NALF1: variants seen among roughly 807,000 people sequenced by gnomAD.
NALF1 encodes NALCN channel auxiliary factor 1, also known as family with sequence similarity 155 member A.
Under a neutral mutation model 48.4 loss-of-function variants are expected in NALF1, and 3 were observed. That is an observed-to-expected ratio of 0.06 (90% CI 0.03 to 0.16). The LOEUF is 0.16. Among genes scored for constraint, NALF1 ranks in the 10% least tolerant of loss-of-function variants. NALF1 has a pLI of 1.00. For missense variants in NALF1, 526 were observed against 571.5 expected, an observed-to-expected ratio of 0.92 and a Z score of 0.81; for synonymous variants, 262 against 245.7, an observed-to-expected ratio of 1.07 and a Z score of -0.62.
chr13:107,226,847 AC>A (rs1880116893), intron 1 of NALF1, among the ~76,000 whole-genome samples: 3 of 152,312 alleles, frequency 2.0e-5, no homozygotes, highest in Middle Eastern at 3.4e-3. Context: ...GTTTGAAAAT[AC>A]GAGGCCCAGA....
At chr13:107,679,930 G>A (rs914080862) in intron 1 of NALF1, among the ~76,000 whole-genome samples, 3 of 152,204 alleles carry the variant, frequency 2.0e-5, no homozygotes, top group Non-Finnish European at 4.4e-5. Context: ...GCAAAAACAC[G>A]TTCACAGCTC....
chr13:107,210,076 A>ACACG (rs1230077996), intron 2 of NALF1, among the ~76,000 whole-genome samples: 1 of 151,940 alleles, frequency 6.6e-6, no homozygotes, highest in Non-Finnish European at 1.5e-5. Flanking sequence ...ATAGACACAC[A>ACACG]CACACACACA....
intron 1 of NALF1, among the ~76,000 whole-genome samples, chr13:107,386,114 G>C (rs946769179): frequency 2.6e-5 from 4 of 152,140 alleles, no homozygotes; most frequent in Non-Finnish European, 5.9e-5. Flanking sequence ...TAGAATACAA[G>C]ATTATCTTCC....
At chr13:107,485,558 G>T (rs1322510268) in intron 1 of NALF1, among the ~76,000 whole-genome samples, 1 of 152,114 alleles carries the variant, frequency 6.6e-6, no homozygotes, top group Non-Finnish European at 1.5e-5. Flanking sequence ...CAATATTATT[G>T]TAAGTAGGTT....
At chr13:107,240,350 CCA>C (rs1322533913) in intron 1 of NALF1, among the ~76,000 whole-genome samples, 3 of 152,112 alleles carry the variant, frequency 2.0e-5, no homozygotes, top group African/African-American at 7.2e-5. Context: ...TATAAGCAAC[CCA>C]GTTTCTGGTA....
intron 2 of NALF1, among the ~76,000 whole-genome samples, chr13:107,179,897 G>C (rs1879027211): frequency 6.8e-6 from 1 of 146,310 alleles, no homozygotes; most frequent in African/African-American, 2.5e-5. Flanking sequence ...ACATGTCTCG[G>C]TGTCTTTGCT....
chr13:107,693,090 G>A (rs907874443), intron 1 of NALF1, among the ~76,000 whole-genome samples: 1 of 152,102 alleles, frequency 6.6e-6, no homozygotes, highest in Non-Finnish European at 1.5e-5. Flanking sequence ...TTCCACAATG[G>A]TTGAACTAGT....
chr13:107,519,961 A>C (rs1398735465), intron 1 of NALF1, among the ~76,000 whole-genome samples: 2 of 152,196 alleles, frequency 1.3e-5, no homozygotes, highest in Non-Finnish European at 2.9e-5. Context: ...ATCTTGCATT[A>C]ATTTTTATGA....
intron 1 of NALF1, among the ~76,000 whole-genome samples, chr13:107,331,320 T>C (rs1220702682): frequency 6.6e-6 from 1 of 152,156 alleles, no homozygotes; most frequent in African/African-American, 2.4e-5. Context: ...GAGGATCAAT[T>C]TGTTAATAAA....
intron 1 of NALF1, among the ~76,000 whole-genome samples, chr13:107,462,111 T>C (rs1884928627): frequency 6.6e-6 from 1 of 152,216 alleles, no homozygotes; most frequent in South Asian, 2.1e-4. Flanking sequence ...AAGTTTTCTC[T>C]ATTTACCCAT....
chr13:107,525,109 AT>A (rs1273722160), intron 1 of NALF1, among the ~76,000 whole-genome samples: 3 of 152,086 alleles, frequency 2.0e-5, no homozygotes, highest in African/African-American at 7.2e-5. Flanking sequence ...ATGAACCCCT[AT>A]TTTTTATTGC....
At chr13:107,349,927 A>G (rs543351188) in intron 1 of NALF1, among the ~76,000 whole-genome samples, 1 of 152,178 alleles carries the variant, frequency 6.6e-6, no homozygotes, top group African/African-American at 2.4e-5. Flanking sequence ...TTTTTCATGG[A>G]CCAGAGAGGA....
rs550842652 is a variant in NALF1 at position 107,465,179 on chromosome 13, C to T, written c.916-254424G>A. 1.6e-4 allele frequency among the ~76,000 whole-genome samples: 24 copies of T among 152,052 alleles called. No individual in the cohort carries two copies. The South Asian group carries it at 4.8e-3, about 30-fold the overall frequency. On this transcript the variant is annotated intron_variant, in intron 1 of 2. Transcript: ENST00000375915. ...ATTATGTGAAACTTTGGTACGGTCA[C>T]AGAAGTTTTCAATTTAGATTTTTTT... is the stretch of plus-strand genomic sequence containing the variant.
chr13:107,684,480 T>C (rs7992639), intron 1 of NALF1, among the ~76,000 whole-genome samples: 73,922 of 151,992 alleles, frequency 0.49, 19,252 homozygotes, highest in Middle Eastern at 0.66. Flanking sequence ...TAGATAAATA[T>C]GATTTGCTGC....
At chr13:107,831,008 G>T (rs759563803) in intron 1 of NALF1, among the ~76,000 whole-genome samples, 1 of 152,154 alleles carries the variant, frequency 6.6e-6, no homozygotes, top group African/African-American at 2.4e-5. Flanking sequence ...CTGGCTGTGC[G>T]GATTAAAGGA....
intron 1 of NALF1, among the ~76,000 whole-genome samples, chr13:107,526,891 A>G (rs908896747): frequency 6.6e-6 from 1 of 152,178 alleles, no homozygotes; most frequent in Non-Finnish European, 1.5e-5. Flanking sequence ...GACAGCTTGG[A>G]AAGCGTTTGT....
intron 1 of NALF1, among the ~76,000 whole-genome samples, chr13:107,367,245 A>G (rs1883167598): frequency 6.6e-6 from 1 of 152,226 alleles, no homozygotes; most frequent in Admixed American, 6.5e-5. Context: ...AGCATTAATT[A>G]TCATGATAAA....
chr13:107,601,303 C>T (rs1878918917), intron 1 of NALF1, among the ~76,000 whole-genome samples: 1 of 152,098 alleles, frequency 6.6e-6, no homozygotes, highest in African/African-American at 2.4e-5. Context: ...TCCCCTAGAA[C>T]ACTTAAACGC....
intron 1 of NALF1, among the ~76,000 whole-genome samples, chr13:107,665,692 G>A (rs989559354): frequency 1.3e-5 from 2 of 151,832 alleles, no homozygotes; most frequent in African/African-American, 4.8e-5. Context: ...CTTGTAAGTT[G>A]TCTTAAATGC....
Sources: allele counts gnomAD v4.1 joint callset (sites outside exome capture counted in the v4.1 genomes callset), GRCh38; gene constraint gnomAD v4.1.1; transcripts MANE v1.5; gene names NCBI Gene and HGNC (gene_info 2026-07-23, HGNC 2026-07-21).